GHR: variants seen among roughly 807,000 people sequenced by gnomAD.
The protein encoded by GHR is GH receptor.
GHR carries 35 observed loss-of-function variants against 67.1 expected under a neutral mutation model. The ratio of observed to expected loss-of-function variants is 0.52; its 90% CI spans 0.40 to 0.69. The LOEUF (loss-of-function observed/expected upper bound fraction) is 0.69. Ranked by LOEUF, GHR falls within the 30% of genes least tolerant of loss-of-function variation. The pLI is 0.00. For missense variants in GHR, 792 were observed against 764.6 expected (o/e 1.04, Z -0.42); for synonymous variants, 272 against 269.1 (o/e 1.01, Z -0.10).
chr5:42,430,061 T>C (rs1429284828), intron 1 of GHR, among the ~76,000 whole-genome samples: 1 of 152,230 alleles, frequency 6.6e-6, no homozygotes. Context: ...GGCTTGCCAA[T>C]GCCACAGGAA....
Position 42,435,863 on chromosome 5 carries a change from C to T in GHR, c.-12+11908C>T, listed in dbSNP as rs943029388. Among the ~76,000 whole-genome samples the T allele has an allele frequency of 4.6e-5, 7 of 152,274 alleles. No homozygotes were observed. The East Asian group carries it at 1.2e-3, about 25-fold the overall frequency. On this transcript the variant is annotated intron_variant, in intron 1 of 9. Transcript: ENST00000230882. Reference sequence around the variant, plus strand: ...TGTAACCAGATAGCAAGTTCTGTAACAGAAAATACAATGATGTTGAATCCA... The same window carrying T: ...TGTAACCAGATAGCAAGTTCTGTAATAGAAAATACAATGATGTTGAATCCA...
chr5:42,499,393 A>G (rs973285512), intron 1 of GHR, among the ~76,000 whole-genome samples: 2 of 152,202 alleles, frequency 1.3e-5, no homozygotes, highest in African/African-American at 4.8e-5. Context: ...ATCGTCCACA[A>G]GCTCCAGGCC....
At chr5:42,443,519 A>T (rs1743670666) in intron 1 of GHR, among the ~76,000 whole-genome samples, 1 of 152,194 alleles carries the variant, frequency 6.6e-6, no homozygotes, top group South Asian at 2.1e-4. Flanking sequence ...GAAGATGATC[A>T]CAGGATGATT....
intron 1 of GHR, among the ~76,000 whole-genome samples, chr5:42,517,825 G>A (rs1747308092): frequency 1.3e-5 from 2 of 151,820 alleles, no homozygotes; most frequent in South Asian, 4.2e-4. Context: ...TGTCTTCTGG[G>A]TGTTGTCTTG....
chr5:42,706,761 C>T (rs926707169), intron 6 of GHR, among the ~76,000 whole-genome samples: 2 of 151,974 alleles, frequency 1.3e-5, no homozygotes, highest in Non-Finnish European at 2.9e-5. Flanking sequence ...CTTTTTTAAC[C>T]AGTACCATAC....
At chr5:42,564,176 A>T (rs1009335432) in intron 1 of GHR, among the ~76,000 whole-genome samples, 7 of 135,062 alleles carry the variant, frequency 5.2e-5, no homozygotes, top group Admixed American at 1.4e-4. Flanking sequence ...TTTATTTGAA[A>T]TCTCACAATG....
chr5:42,612,028 GATTT>G (rs1325829463), intron 2 of GHR, among the ~76,000 whole-genome samples: 1 of 152,126 alleles, frequency 6.6e-6, no homozygotes, highest in East Asian at 1.9e-4. Context: ...CAGATTATAT[GATTT>G]TGGAAGGTTA....
intron 3 of GHR, among the ~76,000 whole-genome samples, chr5:42,670,541 A>T (rs1278677115): frequency 6.6e-6 from 1 of 152,200 alleles, no homozygotes; most frequent in Non-Finnish European, 1.5e-5. Flanking sequence ...AGACTAAAAA[A>T]CTTCTGTACA....
intron 2 of GHR, among the ~76,000 whole-genome samples, chr5:42,619,117 A>G (rs945868293): frequency 6.6e-6 from 1 of 152,110 alleles, no homozygotes; most frequent in African/African-American, 2.4e-5. Flanking sequence ...AACTATGACA[A>G]TAAAGGATTG....
chr5:42,670,495 A>G (rs1267456294), intron 3 of GHR, among the ~76,000 whole-genome samples: 2 of 152,196 alleles, frequency 1.3e-5, no homozygotes, highest in Admixed American at 1.3e-4. Flanking sequence ...AAAAGCACAG[A>G]CAACAAAAGC....
intron 1 of GHR, among the ~76,000 whole-genome samples, chr5:42,492,347 T>G (rs993319192): frequency 6.6e-6 from 1 of 152,146 alleles, no homozygotes. Flanking sequence ...AAATAAAAAT[T>G]AAAGTGAAAA....
chr5:42,649,864 A>G (rs745880425), intron 3 of GHR, among the ~76,000 whole-genome samples: 16 of 152,236 alleles, frequency 1.1e-4, no homozygotes, highest in Non-Finnish European at 2.2e-4. Flanking sequence ...TAACTGCTAG[A>G]AAACAAGGTG....
chr5:42,648,834 G>T (rs1295313636), intron 3 of GHR, among the ~76,000 whole-genome samples: 2 of 152,014 alleles, frequency 1.3e-5, no homozygotes, highest in African/African-American at 4.8e-5. Context: ...GCAGATTTAG[G>T]TTTTTTCTGA....
intron 1 of GHR, chr5:42,468,774 C>G: frequency 1.8e-6 from 2 of 1,085,778 alleles, no homozygotes; most frequent in East Asian, 4.9e-5. Context: ...CTCCTGCCTT[C>G]AGCACCTCGA....
At chr5:42,466,406 T>C (rs2112075268) in intron 1 of GHR, among the ~76,000 whole-genome samples, 1 of 152,318 alleles carries the variant, frequency 6.6e-6, no homozygotes, top group East Asian at 1.9e-4. Flanking sequence ...GGAAAGCTTA[T>C]AAACATTCAT....
chr5:42,497,968 C>G (rs1400166012), intron 1 of GHR, among the ~76,000 whole-genome samples: 7 of 152,162 alleles, frequency 4.6e-5, no homozygotes, highest in Admixed American at 3.3e-4. Context: ...TGCTTTTCCT[C>G]TTCACTTTTC....
intron 3 of GHR, among the ~76,000 whole-genome samples, chr5:42,676,162 G>A (rs1756564179): frequency 6.6e-6 from 1 of 152,126 alleles, no homozygotes; most frequent in African/African-American, 2.4e-5. Flanking sequence ...GCACACGCCT[G>A]TAGTCCCAGC....
At chr5:42,587,368 A>G (rs1287961086) in intron 2 of GHR, among the ~76,000 whole-genome samples, 1 of 152,220 alleles carries the variant, frequency 6.6e-6, no homozygotes, top group Admixed American at 6.5e-5. Context: ...AATAAAGTAA[A>G]CAGAAGATTG....
intron 1 of GHR, among the ~76,000 whole-genome samples, chr5:42,493,357 T>C (rs546018074): frequency 6.6e-6 from 1 of 152,312 alleles, no homozygotes; most frequent in East Asian, 1.9e-4. Context: ...TTATCAAGTA[T>C]TTATTTAAAA....
Sources: gnomAD v4.1 joint callset for allele counts (sites outside exome capture counted in the v4.1 genomes callset) on GRCh38, gnomAD v4.1.1 for gene constraint, MANE v1.5 for transcripts, NCBI Gene and HGNC (gene_info 2026-07-23, HGNC 2026-07-21) for gene names.